HS3ST4: variants seen among roughly 807,000 people sequenced by gnomAD.
HS3ST4 encodes the protein heparan sulfate-glucosamine 3-sulfotransferase 4, also known as heparan sulfate glucosamine 3-O-sulfotransferase 4.
HS3ST4 carries 17 observed loss-of-function variants against 29.2 expected under a neutral mutation model. The ratio of observed to expected loss-of-function variants is 0.58; its 90% confidence interval spans 0.40 to 0.87. The LOEUF is 0.87. Among genes scored for constraint, HS3ST4 ranks in the 40% least tolerant of loss-of-function variants. The pLI is 0.00. For missense variants in HS3ST4, 627 were observed against 634.5 expected (o/e 0.99, Z 0.13); for synonymous variants, 314 against 285.7 (o/e 1.10, Z -1.00).
At chr16:25,908,821 C>CTTTTTTTATTTT (rs1375675377) in intron 1 of HS3ST4, among the ~76,000 whole-genome samples, 5 of 152,236 alleles carry the variant, frequency 3.3e-5, no homozygotes, top group Admixed American at 6.5e-5. Context: ...GAAGCCTTAA[C>CTTTTTTTATTTT]AACCAAGGAA....
chr16:25,981,379 G>GAC (rs1357141671), intron 1 of HS3ST4, among the ~76,000 whole-genome samples: 4 of 152,010 alleles, frequency 2.6e-5, no homozygotes, highest in African/African-American at 9.7e-5. Context: ...TTTGGGTTTG[G>GAC]AATTGGTTGG....
intron 1 of HS3ST4, among the ~76,000 whole-genome samples, chr16:25,819,821 G>A (rs1237470869): frequency 3.3e-5 from 5 of 151,526 alleles, no homozygotes; most frequent in African/African-American, 1.2e-4. Flanking sequence ...TTTCAGTTTG[G>A]CCAACATGGT....
chr16:26,118,719 A>T (rs2141808300), intron 1 of HS3ST4, among the ~76,000 whole-genome samples: 1 of 152,326 alleles, frequency 6.6e-6, no homozygotes, highest in African/African-American at 2.4e-5. Context: ...CTGGGGAAAG[A>T]TCACTCCAGG....
chr16:26,102,629 G>A (rs1228488616), intron 1 of HS3ST4, among the ~76,000 whole-genome samples: 1 of 151,950 alleles, frequency 6.6e-6, no homozygotes, highest in Non-Finnish European at 1.5e-5. Flanking sequence ...TCCCACAATT[G>A]CCATGCATTA....
At chr16:25,832,419 A>G (rs1440831560) in intron 1 of HS3ST4, among the ~76,000 whole-genome samples, 1 of 152,220 alleles carries the variant, frequency 6.6e-6, no homozygotes, top group African/African-American at 2.4e-5. Context: ...GGGAGGTGTC[A>G]GCTCACTTTG....
intron 1 of HS3ST4, among the ~76,000 whole-genome samples, chr16:25,907,727 A>G (rs978406541): frequency 6.6e-6 from 1 of 152,140 alleles, no homozygotes; most frequent in Non-Finnish European, 1.5e-5. Flanking sequence ...CACAGTGCAC[A>G]TGTTCTGCAT....
At chr16:26,059,855 G>A (rs1479763327) in intron 1 of HS3ST4, among the ~76,000 whole-genome samples, 3 of 152,076 alleles carry the variant, frequency 2.0e-5, no homozygotes, top group Admixed American at 6.5e-5. Context: ...TTGGCTCGCT[G>A]CAACCTCCGC....
At position 26,006,105 on chromosome 16, in the gene HS3ST4, C is replaced by T. The variant is rs938596265; in HGVS notation, c.735-129507C>T. On this transcript the variant is annotated intron_variant, in intron 1 of 1. Coordinates refer to ENST00000331351, the MANE Select transcript of HS3ST4 (RefSeq NM_006040.3). ...CCTGAGGTTAGGAGTTCAAGACCAGCCTGGACAACATGGTAAAACCCCATC... is the reference window on the plus strand; with the variant it reads ...CCTGAGGTTAGGAGTTCAAGACCAGTCTGGACAACATGGTAAAACCCCATC... Among the ~76,000 whole-genome samples, 9 of 151,834 alleles carry T rather than the reference C, an allele frequency of 5.9e-5. No homozygotes were observed. In the South Asian group the frequency reaches 1.0e-3, roughly 18 times the overall value.
At chr16:26,030,111 G>A (rs1969518561) in intron 1 of HS3ST4, among the ~76,000 whole-genome samples, 1 of 152,170 alleles carries the variant, frequency 6.6e-6, no homozygotes, top group African/African-American at 2.4e-5. Context: ...ATAGATTTTT[G>A]TCTCATCTTC....
chr16:25,737,357 AC>A (rs900507104), intron 1 of HS3ST4, among the ~76,000 whole-genome samples: 19 of 51,934 alleles, frequency 3.7e-4, no homozygotes, highest in African/African-American at 1.1e-3. Flanking sequence ...GTTTTAAGTG[AC>A]CCCCCCCACA....
At chr16:25,755,098 G>A (rs1016115599) in intron 1 of HS3ST4, among the ~76,000 whole-genome samples, 29 of 151,454 alleles carry the variant, frequency 1.9e-4, no homozygotes, top group African/African-American at 6.8e-4. Flanking sequence ...TCATTAATCT[G>A]TCCATCCATT....
intron 1 of HS3ST4, among the ~76,000 whole-genome samples, chr16:25,748,552 AT>A (rs1476065646): frequency 3.3e-5 from 5 of 152,240 alleles, no homozygotes; most frequent in Non-Finnish European, 7.3e-5. Flanking sequence ...AAAAAGCTCC[AT>A]GATAAAAATG....
At chr16:26,130,089 G>C (rs9933947) in intron 1 of HS3ST4, among the ~76,000 whole-genome samples, 1 of 152,026 alleles carries the variant, frequency 6.6e-6, no homozygotes, top group Admixed American at 6.6e-5. Flanking sequence ...GGAGAGTGCA[G>C]TGGGGACAGG....
At chr16:25,705,930 C>T (rs766337975) in intron 1 of HS3ST4, among the ~76,000 whole-genome samples, 6 of 152,150 alleles carry the variant, frequency 3.9e-5, no homozygotes, top group African/African-American at 9.7e-5. Context: ...AATCCATGCA[C>T]GTTTTCATGA....
chr16:26,022,755 C>T (rs942310257), intron 1 of HS3ST4, among the ~76,000 whole-genome samples: 1 of 151,796 alleles, frequency 6.6e-6, no homozygotes, highest in Non-Finnish European at 1.5e-5. Flanking sequence ...TCAAGTAATC[C>T]TCCTGCCTTG....
At chr16:25,885,669 G>A (rs997931427) in intron 1 of HS3ST4, among the ~76,000 whole-genome samples, 6 of 151,838 alleles carry the variant, frequency 4.0e-5, no homozygotes, top group Non-Finnish European at 7.4e-5. Context: ...CACCAGCTGT[G>A]ATTAATATTA....
intron 1 of HS3ST4, among the ~76,000 whole-genome samples, chr16:25,694,039 A>T (rs1417426599): frequency 6.6e-6 from 1 of 152,002 alleles, no homozygotes; most frequent in African/African-American, 2.4e-5. Flanking sequence ...CCAAACGCAA[A>T]CCTCCTTCGC....
intron 1 of HS3ST4, among the ~76,000 whole-genome samples, chr16:25,754,751 T>C (rs1258731247): frequency 6.6e-6 from 1 of 152,072 alleles, no homozygotes; most frequent in African/African-American, 2.4e-5. Flanking sequence ...ACCCCCATGA[T>C]TAAATTATCT....
At chr16:26,103,276 A>G (rs936106118) in intron 1 of HS3ST4, among the ~76,000 whole-genome samples, 1 of 152,174 alleles carries the variant, frequency 6.6e-6, no homozygotes, top group African/African-American at 2.4e-5. Context: ...TTGAGGCCCA[A>G]AACACAAAGT....
Sources: allele counts gnomAD v4.1 joint callset (sites outside exome capture counted in the v4.1 genomes callset), GRCh38; gene constraint gnomAD v4.1.1; transcripts MANE v1.5; gene names NCBI Gene and HGNC (gene_info 2026-07-23, HGNC 2026-07-21).